KANSL1: variants seen among roughly 807,000 people sequenced by gnomAD.
The protein encoded by KANSL1 is KAT8 regulatory NSL complex subunit 1.
In KANSL1, 22 loss-of-function variants were observed where a neutral mutation model predicts 103.6. The ratio of observed to expected loss-of-function variants is 0.21; its 90% CI spans 0.15 to 0.30. The LOEUF (loss-of-function observed/expected upper bound fraction) is 0.30, where lower values mean the gene tolerates loss of function less well. Among genes scored for constraint, KANSL1 ranks in the 10% least tolerant of loss-of-function variants. The pLI is 1.00. For missense variants in KANSL1, 1,337 were observed against 1,399.8 expected (o/e 0.96, Z 0.72); for synonymous variants, 600 against 527.6 (o/e 1.14, Z -1.88).
chr17:46,135,728 G>A (rs551887328), intron 2 of KANSL1, among the ~76,000 whole-genome samples: 5 of 129,494 alleles, frequency 3.9e-5, no homozygotes, highest in East Asian at 2.3e-4. Context: ...TTTTGGTAGC[G>A]ACAGGGGCCT....
At position 46,039,775 on chromosome 17, in the gene KANSL1, G is replaced by A. The variant is rs190201507; in HGVS notation, c.2130C>T (p.Pro710=). The change falls in exon 8 of 15, where the codon CCC becomes CCT. Residue 710 remains proline, a synonymous_variant. Transcript: ENST00000432791. ...PKKLSLKHRA[P]MPGSLPDSAR... ...CTGAATCTGGCAGACTGCCCGGCAT[G>A]GGTGCTCTGTGCTTAAGCGATAACT... 5.0e-6 allele frequency: 8 copies of A among 1,614,212 alleles called. No individual in the cohort carries two copies. In the African/African-American group the frequency reaches 1.1e-4, roughly 22 times the overall value.
chr17:46,071,975 T>G (rs2078592976), intron 4 of KANSL1, among the ~76,000 whole-genome samples: 1 of 136,546 alleles, frequency 7.3e-6, no homozygotes, highest in Admixed American at 7.3e-5. Flanking sequence ...GCTGAATTGC[T>G]CCCCCCACCC....
intron 7 of KANSL1, chr17:46,042,684 C>T (rs2077365370): frequency 6.6e-6 from 1 of 151,780 alleles, no homozygotes; most frequent in African/African-American, 2.4e-5. Context: ...AATTTAGCCA[C>T]TCCTGCCTAT....
At chr17:46,097,567 TA>T (rs899822428) in intron 2 of KANSL1, among the ~76,000 whole-genome samples, 2 of 152,224 alleles carry the variant, frequency 1.3e-5, no homozygotes, top group Non-Finnish European at 2.9e-5. Flanking sequence ...ACTTCTCATG[TA>T]AAAAAACAAA....
chr17:46,071,905 C>A (rs1012961880), intron 4 of KANSL1, among the ~76,000 whole-genome samples: 3 of 152,130 alleles, frequency 2.0e-5, no homozygotes, highest in Non-Finnish European at 4.4e-5. Context: ...CTCTCCAAAG[C>A]AGGGCCCTAG....
chr17:46,125,150 TTCAGCAGCCACTACCCTGGCTAG>T (rs1205022909), intron 2 of KANSL1, among the ~76,000 whole-genome samples: 1 of 148,958 alleles, frequency 6.7e-6, no homozygotes, highest in African/African-American at 2.5e-5. Flanking sequence ...TTCCCTAACC[TTCAGCAGCCACTACCCTGGCTAG>T]TCAGCAGCCA....
intron 1 of KANSL1, among the ~76,000 whole-genome samples, chr17:46,176,332 A>C (rs748475613): frequency 1.8e-4 from 28 of 152,248 alleles, no homozygotes; most frequent in Non-Finnish European, 4.0e-4. Flanking sequence ...AAACTTCTCA[A>C]AGTTATTCTG....
rs67765122 is a variant in KANSL1 at position 46,177,780 on chromosome 17, CT to C, written c.-89-5549del. 7.7e-3 allele frequency among the ~76,000 whole-genome samples: 1,120 copies of C among 146,210 alleles called. 10 individuals carry two copies. The highest frequency in any genetic ancestry group is 0.021 in the African/African-American group (844 of 39,788). On this transcript the variant is annotated intron_variant, in intron 1 of 14. Transcript: ENST00000432791. ...AGTAAAACAAAATCACAGTAACATT[CT>C]TTTTTTTTTTTTAAGAGATGGAGTC...
At chr17:46,073,506 A>G (rs73317066) in intron 4 of KANSL1, among the ~76,000 whole-genome samples, 2,507 of 152,322 alleles carry the variant, frequency 0.016, 69 homozygotes, top group African/African-American at 0.058. Flanking sequence ...GCAAAAAAAT[A>G]CAGGAAAGAT....
chr17:46,216,034 C>T (rs972464425), intron 1 of KANSL1, among the ~76,000 whole-genome samples: 4 of 151,992 alleles, frequency 2.6e-5, no homozygotes, highest in Admixed American at 1.3e-4. Flanking sequence ...AGCGAGACTC[C>T]GTCTCAATAG....
At chr17:46,061,307 C>G (rs2078150300) in intron 6 of KANSL1, among the ~76,000 whole-genome samples, 1 of 151,986 alleles carries the variant, frequency 6.6e-6, no homozygotes. Flanking sequence ...AAATAAAAAG[C>G]AACCTTATTT....
intron 6 of KANSL1, among the ~76,000 whole-genome samples, chr17:46,055,049 C>T (rs1176623817): frequency 1.3e-5 from 2 of 151,838 alleles, no homozygotes; most frequent in East Asian, 2.0e-4. Flanking sequence ...CAGGGTTTCA[C>T]GGTGTTAGCC....
chr17:46,039,693 G>A lies in KANSL1; in HGVS notation c.2203+9C>T. 2 of 1,610,354 alleles carry A rather than the reference G, an allele frequency of 1.2e-6. No homozygotes were observed. Among genetic ancestry groups the A allele is most frequent in the Non-Finnish European group, 1.7e-6 (2 of 1,177,994 alleles). ...ACTCTGGGGGACTTCCCGGCTCCCT[G>A]ACACTTACTGGCTGTTGTTAGGAAG... On this transcript the variant is annotated intron_variant, in intron 8 of 14. Transcript: ENST00000432791.
chr17:46,038,299 G>C (rs2077208931), intron 10 of KANSL1: 1 of 535,854 alleles, frequency 1.9e-6, no homozygotes, highest in South Asian at 2.8e-5. Flanking sequence ...AGCTTTCTAT[G>C]GATGGCTCAG....
intron 2 of KANSL1, among the ~76,000 whole-genome samples, chr17:46,137,838 G>GTCTGGGCGACACAGCGAGAC (rs2044228516): frequency 6.7e-6 from 1 of 150,210 alleles, no homozygotes; most frequent in African/African-American, 2.5e-5. Context: ...CTGCACTCAG[G>GTCTGGGCGACACAGCGAGAC]TCTGGGCGAC....
At chr17:46,164,449 G>A (rs2045899195) in intron 2 of KANSL1, among the ~76,000 whole-genome samples, 1 of 152,234 alleles carries the variant, frequency 6.6e-6, no homozygotes, top group East Asian at 1.9e-4. Context: ...AAGCCAAGGG[G>A]CATTAAATCA....
chr17:46,040,976 G>A (rs1012365328), intron 7 of KANSL1: 2 of 152,230 alleles, frequency 1.3e-5, no homozygotes, highest in Admixed American at 1.3e-4. Context: ...GGAAAGTCTG[G>A]AACTTCTTAG....
At chr17:46,196,258 TAAA>T, upstream of KANSL1, 2 of 445,182 alleles carry the variant, frequency 4.5e-6, no homozygotes, top group South Asian at 3.1e-5. Flanking sequence ...GATAAAAAAA[TAAA>T]AACACCAACA....
At chr17:46,097,204 G>A (rs1022211815) in intron 2 of KANSL1, among the ~76,000 whole-genome samples, 7 of 152,084 alleles carry the variant, frequency 4.6e-5, no homozygotes, top group Non-Finnish European at 1.0e-4. Context: ...AAAAATAAAC[G>A]ACATCTGTAT....
Sources: gnomAD v4.1 joint callset for allele counts (sites outside exome capture counted in the v4.1 genomes callset) on GRCh38, gnomAD v4.1.1 for gene constraint, MANE v1.5 for transcripts, NCBI Gene and HGNC (gene_info 2026-07-23, HGNC 2026-07-21) for gene names.